The following TADA2A variants were observed in gnomAD, a reference collection of about 807,000 sequenced individuals.
TADA2A encodes the protein transcriptional adaptor 2A.
Under a neutral mutation model 67.4 loss-of-function variants are expected in TADA2A, and 38 were observed. The ratio of observed to expected loss-of-function variants is 0.56; its 90% CI spans 0.44 to 0.74. The LOEUF (loss-of-function observed/expected upper bound fraction) is 0.74. Ranked by LOEUF, TADA2A falls within the 30% of genes least tolerant of loss-of-function variation. The pLI is 0.00. For synonymous variants in TADA2A, 192 were observed against 181.6 expected (o/e 1.06, Z -0.46); for missense variants, 454 against 547.0 (o/e 0.83, Z 1.70).
At chr17:37,414,432 G>T (rs1387223487) in intron 2 of TADA2A, among the ~76,000 whole-genome samples, 1 of 151,176 alleles carries the variant, frequency 6.6e-6, no homozygotes, top group African/African-American at 2.4e-5. Flanking sequence ...TACTCCCCCC[G>T]CCCTGGAATC....
Position 37,471,109 on chromosome 17 carries a change from T to A in TADA2A, c.1044T>A (p.Ser348Arg). ...RRQADIDSGL[S>R]PSIPMASNSG... Reference sequence around the variant, plus strand: ...TTCGTTGTAGTGATTCCGGCCTGAGTCCTTCCATTCCAATGGCTTCGAATT... The same window carrying A: ...TTCGTTGTAGTGATTCCGGCCTGAGACCTTCCATTCCAATGGCTTCGAATT... The change falls in exon 14 of 16, where the codon AGT (serine) becomes AGA (arginine). Residue 348 changes from serine to arginine, a missense_variant. Around this residue, in one of 2 missense-constraint regions of TADA2A, gnomAD observed 403 missense variants for 455.5 expected, o/e 0.88. Coordinates refer to ENST00000615182, the MANE Select transcript of TADA2A (RefSeq NM_001166105.3). The A allele has an allele frequency of 6.2e-7, 1 of 1,614,164 alleles. No individual in the cohort carries two copies. The highest frequency in any genetic ancestry group is 8.5e-7 in the Non-Finnish European group (1 of 1,180,024).
intron 7 of TADA2A, 62 bp from the exon 8 acceptor site, chr17:37,444,634 T>C (rs1781954145): frequency 3.7e-6 from 5 of 1,368,732 alleles, no homozygotes; most frequent in South Asian, 1.2e-5. Flanking sequence ...GCATGGCTGC[T>C]GTAAAGACAC....
intron 7 of TADA2A, 58 bp downstream of exon 7, chr17:37,442,710 G>A (rs1249973474): frequency 2.6e-6 from 4 of 1,518,320 alleles, no homozygotes; most frequent in Admixed American, 1.7e-5. Context: ...TTTCTCATGA[G>A]CCTTCTGTCT....
chr17:37,471,579 C>T (rs1231827511), intron 14 of TADA2A, among the ~76,000 whole-genome samples: 1 of 151,262 alleles, frequency 6.6e-6, no homozygotes, highest in Non-Finnish European at 1.5e-5. Context: ...GTGATCTCGG[C>T]TCACTGCAAC....
chr17:37,440,457 A>C, intron 5 of TADA2A, 48 bp from the exon 6 acceptor site: 4 of 1,595,320 alleles, frequency 2.5e-6, no homozygotes, highest in Non-Finnish European at 3.4e-6. Context: ...TTTTAGTATT[A>C]TGTGTAAATA....
At chr17:37,419,530 G>T (rs1020432544) in intron 2 of TADA2A, among the ~76,000 whole-genome samples, 3 of 146,586 alleles carry the variant, frequency 2.0e-5, no homozygotes, top group African/African-American at 7.4e-5. Flanking sequence ...TGCAATCCTA[G>T]CACTTTGGGA....
chr17:37,454,262 C>A, intron 8 of TADA2A: 1 of 153,352 alleles, frequency 6.5e-6, no homozygotes, highest in South Asian at 2.0e-4. Flanking sequence ...TTTCTAGTTC[C>A]TTAGTGCAAA....
intron 5 of TADA2A, chr17:37,438,064 G>A: frequency 2.2e-6 from 1 of 455,874 alleles, no homozygotes; most frequent in Non-Finnish European, 3.9e-6. Context: ...GGCCACTTTG[G>A]ATGTATCAAC....
rs1198886371 is a variant in TADA2A, at chr17:37,422,489, T to TTATTATTATTA, written c.26-1018_26-1008dup. Among the ~76,000 whole-genome samples the TTATTATTATTA allele has an allele frequency of 3.8e-3, 347 of 90,476 alleles. 3 individuals carry two copies. Among genetic ancestry groups the TTATTATTATTA allele is most frequent in the African/African-American group, 0.013 (333 of 25,162 alleles). The allele number at this position is 90,476 out of a possible 152,430, so 59.4% of individuals were successfully genotyped here. ...AGCCACCATGCCCAGCTGATTATTATTATTATTATTATTATTATTATTATT... is the reference window on the plus strand; with the variant it reads ...AGCCACCATGCCCAGCTGATTATTATTATTATTATTATATTATTATTATTATTATTATTATT... On this transcript the variant is annotated intron_variant, in intron 2 of 15. Coordinates refer to ENST00000615182, the MANE Select transcript of TADA2A (RefSeq NM_001166105.3).
At chr17:37,458,843 A>G (rs1238193125) in intron 9 of TADA2A, among the ~76,000 whole-genome samples, 3 of 151,920 alleles carry the variant, frequency 2.0e-5, no homozygotes, top group Admixed American at 2.0e-4. Flanking sequence ...TGCCTGGCTA[A>G]TTTTTTGTAT....
intron 9 of TADA2A, among the ~76,000 whole-genome samples, chr17:37,460,596 A>G (rs2053525153): frequency 6.6e-6 from 1 of 152,204 alleles, no homozygotes; most frequent in East Asian, 1.9e-4. Flanking sequence ...TTTAATGAGA[A>G]GTCTTTCATC....
chr17:37,452,024 G>A (rs1019521947), intron 8 of TADA2A, among the ~76,000 whole-genome samples: 2 of 151,994 alleles, frequency 1.3e-5, no homozygotes, highest in South Asian at 2.1e-4. Flanking sequence ...GTTAAAATTA[G>A]CAGTAATTTT....
In TADA2A at chr17:37,470,432, C is replaced by A; in HGVS notation, c.928C>A (p.Arg310=). The change falls in exon 13 of 16, where the codon CGG becomes AGG. Residue 310 remains arginine (R), a synonymous_variant. Coordinates refer to ENST00000615182, the MANE Select transcript of TADA2A (RefSeq NM_001166105.3). ...AACCTACGATCACCTCAAGAAGACA[C>A]GGGAGGAAGAGCGCCTTAAACGCAC... ...ARTYDHLKKT[R]EEERLKRTML... is the part of the protein sequence containing the mutation. 6.2e-7 allele frequency: 1 copy of A among 1,613,636 alleles called. No homozygotes were observed. The highest frequency in any genetic ancestry group is 8.5e-7 in the Non-Finnish European group (1 of 1,179,880).
intron 4 of TADA2A, among the ~76,000 whole-genome samples, chr17:37,436,943 A>G (rs571530620): frequency 2.6e-5 from 4 of 151,918 alleles, no homozygotes; most frequent in Admixed American, 6.6e-5. Flanking sequence ...CTTGGCATTT[A>G]TAGGTGATAT....
At chr17:37,442,540 C>G in intron 6 of TADA2A, 24 bp from the exon 7 acceptor site, 3 of 1,598,824 alleles carry the variant, frequency 1.9e-6, no homozygotes, top group Admixed American at 1.7e-5. Context: ...TTAGTTAACT[C>G]AGAAACCTTC....
chr17:37,426,125 G>A (rs576116100), intron 3 of TADA2A, among the ~76,000 whole-genome samples: 2 of 152,108 alleles, frequency 1.3e-5, no homozygotes, highest in South Asian at 4.2e-4. Context: ...ATGGGCACAA[G>A]CCACAATGCC....
At chr17:37,423,477 T>G in intron 2 of TADA2A, 32 bp from the exon 3 acceptor site, 1 of 1,537,192 alleles carries the variant, frequency 6.5e-7, no homozygotes, top group Non-Finnish European at 8.9e-7. Flanking sequence ...TAAGGTGGTC[T>G]GAAATGTGCA....
At chr17:37,437,700 TG>T in intron 4 of TADA2A, 37 bp from the exon 5 acceptor site, 4 of 1,592,350 alleles carry the variant, frequency 2.5e-6, no homozygotes, top group Non-Finnish European at 3.4e-6. Context: ...AGATTCCATT[TG>T]TATCTCTGTT....
chr17:37,414,287 G>A (rs1303457549), intron 2 of TADA2A, among the ~76,000 whole-genome samples: 1 of 152,004 alleles, frequency 6.6e-6, no homozygotes, highest in South Asian at 2.1e-4. Flanking sequence ...TAGGTTCATG[G>A]ATTATTCCAA....
Sources: gnomAD v4.1 joint callset for allele counts (sites outside exome capture counted in the v4.1 genomes callset) on GRCh38, gnomAD v4.1.1 for gene constraint, gnomAD v4.1.1 regional missense constraint, MANE v1.5 for transcripts, NCBI Gene and HGNC (gene_info 2026-07-23, HGNC 2026-07-21) for gene names.